MTUS2: variants seen among roughly 807,000 people sequenced by gnomAD.
MTUS2 encodes microtubule-associated tumor suppressor candidate 2.
Under a neutral mutation model 114.1 loss-of-function variants are expected in MTUS2, and 40 were observed. The observed-to-expected ratio is 0.35, with a 90% CI of 0.27 to 0.46. The LOEUF (loss-of-function observed/expected upper bound fraction) is 0.46. Among genes scored for constraint, MTUS2 ranks in the 20% least tolerant of loss-of-function variants. The pLI, the probability that MTUS2 is intolerant of heterozygous loss-of-function variation, is 1.00. For missense variants in MTUS2, 1,679 were observed against 1,705.4 expected, an observed-to-expected ratio of 0.98 and a Z score of 0.27; for synonymous variants, 688 against 672.0, an observed-to-expected ratio of 1.02 and a Z score of -0.37.
At chr13:29,169,254 C>T (rs1893452619) in intron 5 of MTUS2, among the ~76,000 whole-genome samples, 1 of 152,072 alleles carries the variant, frequency 6.6e-6, no homozygotes, top group African/African-American at 2.4e-5. Flanking sequence ...GGATGGAGCT[C>T]TCTATAGACT....
At chr13:29,438,471 C>T (rs934605892) in intron 8 of MTUS2, among the ~76,000 whole-genome samples, 2 of 152,108 alleles carry the variant, frequency 1.3e-5, no homozygotes, top group African/African-American at 4.8e-5. Context: ...GTGTCAGGTG[C>T]GGGCCACTTT....
intron 2 of MTUS2, among the ~76,000 whole-genome samples, chr13:28,875,423 G>A (rs1021186784): frequency 6.6e-6 from 1 of 152,222 alleles, no homozygotes; most frequent in Non-Finnish European, 1.5e-5. Flanking sequence ...TAGATAAAGT[G>A]GATTTGTTTT....
At position 29,100,959 on chromosome 13, in the gene MTUS2, G is replaced by T; in HGVS notation, c.2633G>T (p.Arg878Leu). 1 of 1,563,242 alleles carries T rather than the reference G, an allele frequency of 6.4e-7. No individual in the cohort carries two copies. The highest frequency in any genetic ancestry group is 8.7e-7 in the Non-Finnish European group (1 of 1,152,332). The change falls in exon 5 of 16, where the codon CGG (arginine) becomes CTG (leucine). Residue 878 changes from arginine to leucine, a missense_variant. By Grantham distance (102) the Arg-to-Leu change is moderately radical. This residue lies in a region of MTUS2 where 822 missense variants were observed against 899.7 expected (regional missense o/e 0.91). Coordinates refer to ENST00000612955, the MANE Select transcript of MTUS2 (RefSeq NM_001033602.4). The part of the protein sequence containing the change: ...SGDSAQPEQG[R>L]PATRSTFGNE... ...GACAGTGCACAGCCAGAGCAGGGCC[G>T]GCCAGCCACCCGTAAGTGGGGTGGG...
chr13:28,857,235 A>G (rs1329725457), intron 2 of MTUS2, among the ~76,000 whole-genome samples: 1 of 152,250 alleles, frequency 6.6e-6, no homozygotes, highest in Non-Finnish European at 1.5e-5. Flanking sequence ...TATGAAGATG[A>G]TAGATCTAGA....
chr13:29,365,241 A>G (rs1040747545), intron 8 of MTUS2, among the ~76,000 whole-genome samples: 3 of 152,174 alleles, frequency 2.0e-5, no homozygotes, highest in African/African-American at 7.2e-5. Context: ...CAGCTCTTTG[A>G]AGTAATAAGA....
intron 2 of MTUS2, among the ~76,000 whole-genome samples, chr13:28,919,177 G>C (rs1022190612): frequency 1.3e-5 from 2 of 152,080 alleles, no homozygotes; most frequent in Non-Finnish European, 2.9e-5. Flanking sequence ...CATACCTTCA[G>C]ATGATTCATT....
chr13:28,996,839 C>CA (rs1473470293), intron 2 of MTUS2, among the ~76,000 whole-genome samples: 1 of 152,028 alleles, frequency 6.6e-6, no homozygotes, highest in Middle Eastern at 3.2e-3. Flanking sequence ...TTGATCTTTT[C>CA]AAAAAACCAG....
chr13:29,051,114 G>A (rs754395), intron 4 of MTUS2, among the ~76,000 whole-genome samples: 88,475 of 152,064 alleles, frequency 0.58, 26,089 homozygotes, highest in South Asian at 0.73. Context: ...TGGCAGAAGC[G>A]GAGAGGTCAG....
intron 3 of MTUS2, among the ~76,000 whole-genome samples, chr13:29,027,583 G>A (rs373031799): frequency 1.3e-5 from 2 of 151,950 alleles, no homozygotes; most frequent in African/African-American, 2.4e-5. Context: ...ATGAAGTCTC[G>A]CTCTGTCGCC....
intron 4 of MTUS2, among the ~76,000 whole-genome samples, chr13:29,052,074 C>T (rs2138607043): frequency 6.6e-6 from 1 of 152,176 alleles, no homozygotes; most frequent in Non-Finnish European, 1.5e-5. Flanking sequence ...TGTTCGGGGT[C>T]ACAAAAAAGT....
intron 2 of MTUS2, among the ~76,000 whole-genome samples, chr13:28,897,351 A>G (rs1879341544): frequency 6.6e-6 from 1 of 152,252 alleles, no homozygotes; most frequent in Admixed American, 6.5e-5. Context: ...ACAATGAGAT[A>G]CCAGCTCACA....
In MTUS2 at chr13:29,083,045, C is replaced by T. The variant is rs533910786; in HGVS notation, c.2447-17728C>T. Among the ~76,000 whole-genome samples, 49 of 152,176 alleles carry T rather than the reference C, an allele frequency of 3.2e-4. No homozygotes were observed. In the South Asian group the frequency reaches 1.0e-2, roughly 31 times the overall value. ...TTACAAAGGAAGGATATTTTGCTTCCTGAACCCAAAAAAGCCTAAAAGACC... is the reference window on the plus strand; with the variant it reads ...TTACAAAGGAAGGATATTTTGCTTCTTGAACCCAAAAAAGCCTAAAAGACC... On this transcript the variant is annotated intron_variant, in intron 4 of 15. Coordinates refer to ENST00000612955, the MANE Select transcript of MTUS2 (RefSeq NM_001033602.4).
chr13:29,318,575 A>G (rs2139663784), intron 6 of MTUS2, among the ~76,000 whole-genome samples: 1 of 152,228 alleles, frequency 6.6e-6, no homozygotes, highest in South Asian at 2.1e-4. Context: ...GGGCAGCTTT[A>G]GGGCCCACAA....
intron 8 of MTUS2, among the ~76,000 whole-genome samples, chr13:29,371,558 T>C (rs918703626): frequency 3.9e-5 from 6 of 152,192 alleles, no homozygotes; most frequent in South Asian, 2.1e-4. Flanking sequence ...TTGATACCCA[T>C]GTTATAGATA....
Position 29,157,153 on chromosome 13 carries a change from G to A in MTUS2, c.2644+56183G>A, listed in dbSNP as rs897320090. ...GGTATCTCGGTTTGTTTCCAATGTG[G>A]AACTATTGCAAACTAAGCTGTGAGG... is the stretch of plus-strand genomic sequence containing the variant. On this transcript the variant is annotated intron_variant, in intron 5 of 15. Transcript: ENST00000612955. Among the ~76,000 whole-genome samples the A allele has an allele frequency of 3.3e-5, 5 of 152,086 alleles. No homozygotes were observed. The South Asian group carries it at 1.0e-3, about 32-fold the overall frequency.
intron 6 of MTUS2, among the ~76,000 whole-genome samples, chr13:29,293,858 A>G (rs377186090): frequency 2.5e-4 from 38 of 152,290 alleles, no homozygotes; most frequent in African/African-American, 9.1e-4. Flanking sequence ...AAACTGAAAT[A>G]AAATAAATCA....
At chr13:29,099,914 G>A (rs923179642) in intron 4 of MTUS2, among the ~76,000 whole-genome samples, 12 of 152,320 alleles carry the variant, frequency 7.9e-5, no homozygotes, top group African/African-American at 2.9e-4. Context: ...CAGACTTAGA[G>A]TATGGGGATG....
chr13:28,873,301 T>C (rs577106334), intron 2 of MTUS2, among the ~76,000 whole-genome samples: 151 of 152,304 alleles, frequency 9.9e-4, no homozygotes, highest in Non-Finnish European at 1.6e-3. Flanking sequence ...CTGTCTGATG[T>C]TTTTCTCACA....
chr13:29,255,170 C>T (rs1403516027), intron 5 of MTUS2, among the ~76,000 whole-genome samples: 1 of 152,178 alleles, frequency 6.6e-6, no homozygotes, highest in East Asian at 1.9e-4. Context: ...TAGCTGGAGG[C>T]AGATGTAAGC....
Sources: allele counts gnomAD v4.1 joint callset (sites outside exome capture counted in the v4.1 genomes callset), GRCh38; gene constraint gnomAD v4.1.1; regional missense constraint gnomAD v4.1.1; transcripts MANE v1.5; gene names NCBI Gene and HGNC (gene_info 2026-07-23, HGNC 2026-07-21).